LINGO2: variants seen among roughly 807,000 people sequenced by gnomAD.
LINGO2 encodes leucine-rich repeat and immunoglobulin-like domain-containing nogo receptor-interacting protein 2.
In LINGO2, 14 loss-of-function variants were observed where a neutral mutation model predicts 30.6. The observed-to-expected ratio is 0.46, with a 90% confidence interval of 0.30 to 0.72. The LOEUF (loss-of-function observed/expected upper bound fraction) is 0.72, where lower values mean the gene tolerates loss of function less well. Among genes scored for constraint, LINGO2 ranks in the 30% least tolerant of loss-of-function variants. The pLI, the probability that LINGO2 is intolerant of heterozygous loss-of-function variation, is 0.07. For missense variants in LINGO2, 729 were observed against 751.7 expected, an observed-to-expected ratio of 0.97 and a Z score of 0.35; for synonymous variants, 317 against 288.5, an observed-to-expected ratio of 1.10 and a Z score of -1.00.
chr9:27,993,326 T>G (rs531249343), intron 5 of LINGO2, among the ~76,000 whole-genome samples: 10 of 152,246 alleles, frequency 6.6e-5, no homozygotes, highest in African/African-American at 2.2e-4. Flanking sequence ...ATTGTTGGTT[T>G]CTCATGAACA....
chr9:28,697,040 T>A, the LINGO2 span, among the ~76,000 whole-genome samples: 1 of 151,940 alleles, frequency 6.6e-6, no homozygotes, highest in Non-Finnish European at 1.5e-5. Flanking sequence ...ATCTTTATAC[T>A]TACTCTTCTG....
At chr9:28,071,501 C>G (rs1478754954) in intron 4 of LINGO2, among the ~76,000 whole-genome samples, 3 of 151,672 alleles carry the variant, frequency 2.0e-5, no homozygotes, top group Non-Finnish European at 2.9e-5. Context: ...TTCTCTAGTC[C>G]TTACCATTTT....
At chr9:28,387,264 A>G (rs1265952424) in intron 2 of LINGO2, among the ~76,000 whole-genome samples, 1 of 151,942 alleles carries the variant, frequency 6.6e-6, no homozygotes, top group Admixed American at 6.6e-5. Context: ...AAATGCACCA[A>G]TTGGCACTCT....
At chr9:28,283,293 C>G (rs553639374) in intron 4 of LINGO2, among the ~76,000 whole-genome samples, 24 of 152,094 alleles carry the variant, frequency 1.6e-4, no homozygotes, top group Non-Finnish European at 3.1e-4. Flanking sequence ...GTGTTTTGTT[C>G]TTTGATGAAA....
At chr9:27,953,734 C>T (rs1429658318) in intron 5 of LINGO2, among the ~76,000 whole-genome samples, 2 of 152,138 alleles carry the variant, frequency 1.3e-5, no homozygotes, top group Non-Finnish European at 2.9e-5. Context: ...ATGTGTGAGT[C>T]AATTAAACCT....
the LINGO2 span, among the ~76,000 whole-genome samples, chr9:28,896,901 A>C: frequency 2.0e-5 from 3 of 152,134 alleles, no homozygotes; most frequent in Admixed American, 1.3e-4. Context: ...TTTCTGTGAC[A>C]TACCTAAGTG....
At chr9:28,959,647 G>GAA in the LINGO2 span, among the ~76,000 whole-genome samples, 1 of 123,848 alleles carries the variant, frequency 8.1e-6, no homozygotes, top group Non-Finnish European at 1.7e-5. Context: ...CACACACACA[G>GAA]AGAACAATGA....
intron 1 of LINGO2, among the ~76,000 whole-genome samples, chr9:28,517,545 G>A (rs1420161732): frequency 3.3e-5 from 5 of 152,144 alleles, no homozygotes; most frequent in East Asian, 1.9e-4. Flanking sequence ...ATTTATGAGC[G>A]TCTACTGCAA....
intron 4 of LINGO2, among the ~76,000 whole-genome samples, chr9:28,200,566 T>C (rs72726935): frequency 0.11 from 16,439 of 152,240 alleles, 953 homozygotes; most frequent in Middle Eastern, 0.15. Flanking sequence ...TCTGAACATT[T>C]AGTATTTAAT....
At chr9:28,191,257 T>C (rs1180119093) in intron 4 of LINGO2, among the ~76,000 whole-genome samples, 1 of 152,250 alleles carries the variant, frequency 6.6e-6, no homozygotes, top group Non-Finnish European at 1.5e-5. Flanking sequence ...TGAAGACTTC[T>C]ACTATTTTCT....
chr9:28,677,448 C>G, the LINGO2 span, among the ~76,000 whole-genome samples: 6 of 152,108 alleles, frequency 3.9e-5, no homozygotes. Context: ...GCATCTAAGA[C>G]AAAGCAAGCC....
At chr9:29,041,250 AT>A in the LINGO2 span, among the ~76,000 whole-genome samples, 1 of 151,986 alleles carries the variant, frequency 6.6e-6, no homozygotes. Flanking sequence ...GAACCTATCA[AT>A]TTTCCCCAAA....
At chr9:29,073,634 T>C in the LINGO2 span, among the ~76,000 whole-genome samples, 1 of 152,170 alleles carries the variant, frequency 6.6e-6, no homozygotes, top group East Asian at 1.9e-4. Flanking sequence ...ACTATAACAA[T>C]AGAGTTCCAT....
At chr9:28,757,135 T>C in the LINGO2 span, among the ~76,000 whole-genome samples, 1 of 152,102 alleles carries the variant, frequency 6.6e-6, no homozygotes, top group African/African-American at 2.4e-5. Context: ...AATGTATCCT[T>C]GTCAAAGTAT....
At chr9:28,592,228 G>T (rs1262437041) in intron 1 of LINGO2, among the ~76,000 whole-genome samples, 1 of 151,988 alleles carries the variant, frequency 6.6e-6, no homozygotes, top group Non-Finnish European at 1.5e-5. Context: ...GTATTAAAAA[G>T]GTACTATGTA....
At chr9:28,566,581 T>C (rs1474882963) in intron 1 of LINGO2, among the ~76,000 whole-genome samples, 3 of 152,248 alleles carry the variant, frequency 2.0e-5, no homozygotes, top group South Asian at 4.1e-4. Flanking sequence ...TATGGGGTAA[T>C]TGATGCTTTA....
intron 4 of LINGO2, among the ~76,000 whole-genome samples, chr9:28,199,854 A>G (rs566855176): frequency 3.3e-5 from 5 of 152,180 alleles, no homozygotes; most frequent in Non-Finnish European, 7.4e-5. Flanking sequence ...TTCAAAAACA[A>G]TATTACCATC....
the LINGO2 span, among the ~76,000 whole-genome samples, chr9:29,012,681 G>A: frequency 6.6e-6 from 1 of 152,082 alleles, no homozygotes; most frequent in South Asian, 2.1e-4. Flanking sequence ...AAAATTCAAT[G>A]CTAGCTTTAA....
the LINGO2 span, among the ~76,000 whole-genome samples, chr9:29,093,222 A>ATATTTT: frequency 8.2e-5 from 11 of 133,650 alleles, 3 homozygotes; most frequent in Middle Eastern, 8.5e-3. Flanking sequence ...CTGTAGAAAC[A>ATATTTT]ACTCATATAA....
Sources: allele counts gnomAD v4.1 joint callset (sites outside exome capture counted in the v4.1 genomes callset), GRCh38; gene constraint gnomAD v4.1.1; transcripts MANE v1.5; gene names NCBI Gene and HGNC (gene_info 2026-07-23, HGNC 2026-07-21).